CNTFR: variants seen among roughly 807,000 people sequenced by gnomAD.
CNTFR encodes ciliary neurotrophic factor receptor, also known as ciliary neurotrophic factor receptor subunit alpha.
Under a neutral mutation model 40.4 loss-of-function variants are expected in CNTFR, and 12 were observed. That is an observed-to-expected ratio of 0.30 (90% CI 0.19 to 0.48). CNTFR has a LOEUF of 0.48. Ranked by LOEUF, CNTFR falls within the 20% of genes least tolerant of loss-of-function variation. CNTFR has a pLI of 0.99. For missense variants in CNTFR, 414 were observed against 506.8 expected (o/e 0.82, Z 1.76); for synonymous variants, 202 against 209.6 (o/e 0.96, Z 0.31).
intron 4 of CNTFR, among the ~76,000 whole-genome samples, chr9:34,558,294 G>A (rs1825931951): frequency 6.6e-6 from 1 of 152,202 alleles, no homozygotes; most frequent in Admixed American, 6.5e-5. Flanking sequence ...GGTGATGTCT[G>A]GGGGAATCGG....
At chr9:34,554,324 G>A (rs759555660) in intron 7 of CNTFR, among the ~76,000 whole-genome samples, 19 of 152,148 alleles carry the variant, frequency 1.2e-4, no homozygotes, top group Non-Finnish European at 2.5e-4. Flanking sequence ...TCCCCACAGG[G>A]AGGGAGCCAC....
At chr9:34,576,806 TC>T (rs2132228673) in intron 2 of CNTFR, among the ~76,000 whole-genome samples, 1 of 152,270 alleles carries the variant, frequency 6.6e-6, no homozygotes, top group South Asian at 2.1e-4. Flanking sequence ...CACCCTCTCT[TC>T]CCCACGATGC....
At chr9:34,579,498 G>A (rs1468220174) in intron 2 of CNTFR, among the ~76,000 whole-genome samples, 1 of 151,970 alleles carries the variant, frequency 6.6e-6, no homozygotes, top group African/African-American at 2.4e-5. Flanking sequence ...AGAGAGACTG[G>A]GAGAGGAGAG....
chr9:34,555,482 C>A (rs959517129), intron 7 of CNTFR, among the ~76,000 whole-genome samples: 1 of 152,104 alleles, frequency 6.6e-6, no homozygotes, highest in Non-Finnish European at 1.5e-5. Flanking sequence ...GGGCCCAGGG[C>A]CCTCAAAGCA....
chr9:34,568,405 T>C (rs2132179081), intron 3 of CNTFR, among the ~76,000 whole-genome samples: 1 of 152,240 alleles, frequency 6.6e-6, no homozygotes, highest in South Asian at 2.1e-4. Context: ...GTCCCTTCCT[T>C]AGTGCACTGG....
chr9:34,556,171 T>C (rs1825827216), intron 7 of CNTFR, 84 bp downstream of exon 7: 1 of 1,438,670 alleles, frequency 7.0e-7, no homozygotes. Flanking sequence ...ACACTGGAGC[T>C]GCTGCCACGT....
At chr9:34,581,854 G>T (rs1031357988) in intron 1 of CNTFR, among the ~76,000 whole-genome samples, 1 of 152,156 alleles carries the variant, frequency 6.6e-6, no homozygotes, top group African/African-American at 2.4e-5. Flanking sequence ...GCCTGTGCAG[G>T]TCTCTCACCC....
rs1288612333 is a variant in CNTFR, at chr9:34,589,370, G to A, written c.-112+185C>T. Among the ~76,000 whole-genome samples, 1 of 152,066 alleles carries A rather than the reference G, an allele frequency of 6.6e-6. No homozygotes were observed. The highest frequency in any genetic ancestry group is 1.5e-5 in the Non-Finnish European group (1 of 67,982). On this transcript the variant is annotated intron_variant, in intron 1 of 9. Transcript: ENST00000378980. The surrounding 1 kb of genome is among the most constrained non-coding windows in gnomAD (Gnocchi z 4.4). ...CCCCCGGAGCGCCCGGACGTGGGGGGCCGCTCCTCCAGCGCCCCCGCCCCC... is the reference window on the plus strand; with the variant it reads ...CCCCCGGAGCGCCCGGACGTGGGGGACCGCTCCTCCAGCGCCCCCGCCCCC...
intron 2 of CNTFR, among the ~76,000 whole-genome samples, chr9:34,573,329 C>T (rs930167751): frequency 6.6e-6 from 1 of 152,180 alleles, no homozygotes; most frequent in Admixed American, 6.5e-5. Flanking sequence ...ATGAGCACCA[C>T]TAACTGCGTC....
upstream of CNTFR, chr9:34,589,963 TCCGCTCGC>T (rs1827711317): frequency 6.6e-6 from 1 of 151,616 alleles, no homozygotes; most frequent in Admixed American, 6.6e-5. This position sits in a 1 kb window ranked among gnomAD's most constrained non-coding sequence, Gnocchi z 4.4. Flanking sequence ...GCACACGCGG[TCCGCTCGC>T]CCTGCGCGGG....
chr9:34,587,723 T>G (rs1827603210), intron 1 of CNTFR, among the ~76,000 whole-genome samples: 1 of 152,040 alleles, frequency 6.6e-6, no homozygotes, highest in African/African-American at 2.4e-5. Flanking sequence ...AGAATATAAG[T>G]GTGAATCGGA....
rs563718376 is a variant in CNTFR at position 34,557,880 on chromosome 9, T to C, written c.424A>G (p.Asn142Asp). 9 of 1,568,452 alleles carry C rather than the reference T, an allele frequency of 5.7e-6. No homozygotes were observed. Among genetic ancestry groups the C allele is most frequent in the Non-Finnish European group, 7.8e-6 (9 of 1,156,024 alleles). The change falls in exon 5 of 10, where the codon AAT becomes GAT. Residue 142 changes from asparagine (N) to aspartate (D), a missense_variant. Asn to Asp is a conservative substitution (Grantham distance 23, BLOSUM62 1). Transcript: ENST00000378980. The surrounding 1 kb of genome is among the most constrained non-coding windows in gnomAD (Gnocchi z 4.2). ...GCAGCTACTCACAGCACAGTCACATTGAAGGTGTTGGGAATGTAGGTGGGG... is the reference window on the plus strand; with the variant it reads ...GCAGCTACTCACAGCACAGTCACATCGAAGGTGTTGGGAATGTAGGTGGGG... ...PTPTYIPNTF[N>D]VTVLHGSKIM...
rs762793228 is a variant in CNTFR at position 34,552,676 on chromosome 9, G to T, written c.947C>A (p.Ala316Glu). 1 of 1,612,396 alleles carries T rather than the reference G, an allele frequency of 6.2e-7. No homozygotes were observed. Among genetic ancestry groups the T allele is most frequent in the African/African-American group, 1.3e-5 (1 of 74,894 alleles). The part of the protein sequence containing the change: ...PRHLTTEAQA[A>E]ETTTSTTSSL... ...GGTAGGGGCGGGAGCAAGCTCACCC[G>T]CAGCCTGGGCCTCCGTGGTGAGGTG... Residue 316 changes from alanine (A) to glutamate (E), a missense_variant and splice_region_variant, in exon 8 of 10, where the codon GCG becomes GAG. Ala to Glu is a moderately radical substitution (Grantham distance 107). Around this residue, in one of 3 missense-constraint regions of CNTFR, gnomAD observed 81 missense variants for 92.2 expected, o/e 0.88. Transcript: ENST00000378980. This position sits in a 1 kb window ranked among gnomAD's most constrained non-coding sequence, Gnocchi z 5.1.
chr9:34,558,114 G>A, intron 4 of CNTFR, 130 bp from the exon 5 acceptor site: 3 of 613,216 alleles, frequency 4.9e-6, no homozygotes, highest in Non-Finnish European at 7.9e-6. Flanking sequence ...GTTGTGGCGG[G>A]GAGGCTGTCA....
At position 34,557,686 on chromosome 9, in the gene CNTFR, G is replaced by A. The variant is rs150628275; in HGVS notation, c.444C>T (p.Gly148=). Residue 148 remains glycine, a synonymous_variant, in exon 6 of 10, where the codon GGC becomes GGT. Transcript: ENST00000378980. The surrounding 1 kb of genome is among the most constrained non-coding windows in gnomAD (Gnocchi z 4.2). ...CCTTCTCACAGACCATAATTTTGGA[G>A]CCATGCCTGGGGAGAGGTGAGACCC... The part of the protein sequence containing the change: ...PNTFNVTVLH[G]SKIMVCEKDP... The A allele has an allele frequency of 2.6e-5, 42 of 1,614,064 alleles. No homozygotes were observed. The highest frequency in any genetic ancestry group is 3.3e-5 in the Non-Finnish European group (39 of 1,180,028).
At chr9:34,564,898 G>A (rs1171851649) in intron 3 of CNTFR, 66 bp from the exon 4 acceptor site, 1 of 1,418,002 alleles carries the variant, frequency 7.1e-7, no homozygotes, top group Non-Finnish European at 9.8e-7. Context: ...CCGCAGGCGA[G>A]CGTGCTCAGA....
At position 34,565,301 on chromosome 9, in the gene CNTFR, C is replaced by T. The variant is rs376601612; in HGVS notation, c.86-469G>A. ...CATTGAGGGGCCCCACTCCTGGACTCCTTTTTCGGTCTCCTTATCTCTTTC... is the reference window on the plus strand; with the variant it reads ...CATTGAGGGGCCCCACTCCTGGACTTCTTTTTCGGTCTCCTTATCTCTTTC... On this transcript the variant is annotated intron_variant, in intron 3 of 9. Transcript: ENST00000378980. 5.6e-3 allele frequency among the ~76,000 whole-genome samples: 853 copies of T among 152,194 alleles called. 2 individuals are homozygous for T. The highest frequency in any genetic ancestry group is 9.8e-3 in the Non-Finnish European group (668 of 68,006).
In CNTFR at chr9:34,557,099, TG is replaced by T. The variant is rs112591861; in HGVS notation, c.604+426del. ...GGGCAGGTAGAGGGTCTGGCTGGGA[TG>T]GGGGGGGTCAGGGGGAGGGCAGTAT... On this transcript the variant is annotated intron_variant, in intron 6 of 9. Coordinates refer to ENST00000378980, the MANE Select transcript of CNTFR (RefSeq NM_147164.3). The surrounding 1 kb of genome is among the most constrained non-coding windows in gnomAD (Gnocchi z 4.2). Among the ~76,000 whole-genome samples, 59 of 55,124 alleles carry T rather than the reference TG, an allele frequency of 1.1e-3. No homozygotes were observed. The highest frequency in any genetic ancestry group is 3.7e-3 in the African/African-American group (53 of 14,470). 36.2% of individuals were successfully genotyped at this position (55,124 alleles called of 152,430 possible). A position where few individuals can be genotyped will look rare whatever the true frequency, so the allele number is the denominator to read the frequency against.
chr9:34,556,476 C>T (rs1220798921), intron 6 of CNTFR, 58 bp from the exon 7 acceptor site: 3 of 1,506,392 alleles, frequency 2.0e-6, no homozygotes, highest in Non-Finnish European at 2.7e-6. Flanking sequence ...CCCACTTTGT[C>T]AACTCCAGCC....
Sources: allele counts gnomAD v4.1 joint callset (sites outside exome capture counted in the v4.1 genomes callset), GRCh38; gene constraint gnomAD v4.1.1; regional missense constraint gnomAD v4.1.1; non-coding constraint Gnocchi (gnomAD v3.1); transcripts MANE v1.5; gene names NCBI Gene and HGNC (gene_info 2026-07-23, HGNC 2026-07-21).